The following PPARGC1A variants were observed in gnomAD, a reference collection of about 807,000 sequenced individuals.
PPARGC1A encodes the protein peroxisome proliferator-activated receptor gamma coactivator 1-alpha.
In PPARGC1A, 25 loss-of-function variants were observed where a neutral mutation model predicts 88.7. The ratio of observed to expected loss-of-function variants is 0.28; its 90% CI spans 0.21 to 0.39. The LOEUF is 0.39. PPARGC1A is among the 10% of genes least tolerant of loss of function. PPARGC1A has a pLI of 1.00. For missense variants in PPARGC1A, 880 were observed against 968.7 expected (o/e 0.91, Z 1.22); for synonymous variants, 363 against 355.6 (o/e 1.02, Z -0.24).
chr4:24,470,318 ACACACACT>A, the PPARGC1A span, among the ~76,000 whole-genome samples: 8,450 of 135,400 alleles, frequency 0.062, 473 homozygotes, highest in Non-Finnish European at 0.084. This position sits in a 1 kb window ranked among gnomAD's most constrained non-coding sequence, Gnocchi z 5.8. Flanking sequence ...ACACACACAC[ACACACACT>A]CTCTCACACA....
At chr4:24,274,810 AT>A in the PPARGC1A span, among the ~76,000 whole-genome samples, 16,734 of 151,352 alleles carry the variant, frequency 0.11, 1,058 homozygotes, top group South Asian at 0.24. Flanking sequence ...GCAAATCTAC[AT>A]TTTTTTTTAA....
the PPARGC1A span, among the ~76,000 whole-genome samples, chr4:24,350,812 G>A: frequency 1.3e-5 from 2 of 152,130 alleles, no homozygotes; most frequent in African/African-American, 2.4e-5. Context: ...GTGGGGTGGA[G>A]TTGAGTGCAA....
At chr4:24,378,757 A>C in the PPARGC1A span, among the ~76,000 whole-genome samples, 3 of 152,216 alleles carry the variant, frequency 2.0e-5, no homozygotes, top group East Asian at 5.8e-4. Context: ...CACAAATATG[A>C]ACTAGTTACA....
At chr4:24,075,355 G>T in the PPARGC1A span, among the ~76,000 whole-genome samples, 494 of 152,262 alleles carry the variant, frequency 3.2e-3, 2 homozygotes, top group African/African-American at 0.011. Flanking sequence ...CTCATGTTGG[G>T]TTAGCAACTT....
the PPARGC1A span, among the ~76,000 whole-genome samples, chr4:24,132,094 C>G: frequency 1.3e-5 from 2 of 152,196 alleles, no homozygotes; most frequent in Non-Finnish European, 2.9e-5. Context: ...CATTCTCTTA[C>G]TGAATCCTTT....
the PPARGC1A span, among the ~76,000 whole-genome samples, chr4:24,082,455 A>G: frequency 6.6e-6 from 1 of 152,076 alleles, no homozygotes; most frequent in Non-Finnish European, 1.5e-5. Flanking sequence ...TACACTGTAC[A>G]GTGGCTCTGT....
chr4:24,464,024 T>C, the PPARGC1A span, among the ~76,000 whole-genome samples: 1 of 152,216 alleles, frequency 6.6e-6, no homozygotes, highest in African/African-American at 2.4e-5. Context: ...AAGGGTTATA[T>C]ATGCAAATAA....
the PPARGC1A span, among the ~76,000 whole-genome samples, chr4:23,940,588 T>C: frequency 3.3e-5 from 5 of 152,208 alleles, no homozygotes; most frequent in African/African-American, 1.2e-4. Flanking sequence ...TAACTCTACA[T>C]GCTAATGAAA....
the PPARGC1A span, among the ~76,000 whole-genome samples, chr4:24,260,644 C>T: frequency 6.6e-6 from 1 of 151,796 alleles, no homozygotes; most frequent in Non-Finnish European, 1.5e-5. Context: ...GGTATGTTTT[C>T]AATAGCTTTG....
chr4:23,863,696 C>T (rs955341379), intron 2 of PPARGC1A, among the ~76,000 whole-genome samples: 3 of 152,096 alleles, frequency 2.0e-5, no homozygotes, highest in African/African-American at 4.8e-5. Context: ...AAAATGCCCA[C>T]GTTTCCTCTC....
the PPARGC1A span, among the ~76,000 whole-genome samples, chr4:24,398,279 T>C: frequency 2.0e-5 from 3 of 152,202 alleles, no homozygotes; most frequent in Non-Finnish European, 4.4e-5. Flanking sequence ...ATACTTTATA[T>C]GTAACAGAAT....
Position 23,795,242 on chromosome 4 carries a change from G to GTGGTTGGT in PPARGC1A, c.*572_*579dup, listed in dbSNP as rs573349253. The GTGGTTGGT allele has an allele frequency of 5.4e-5, 8 of 149,080 alleles. No homozygotes were observed. The highest frequency in any genetic ancestry group is 1.0e-4 in the Non-Finnish European group (7 of 67,256). The allele number at this position is 149,080 out of a possible 1,614,324, so 9.2% of individuals were successfully genotyped here. On this transcript the variant is annotated 3_prime_UTR_variant, in exon 13 of 13. Coordinates refer to ENST00000264867, the MANE Select transcript of PPARGC1A (RefSeq NM_013261.5). ...AGCGGCTGTCATTTTAGGGTGGTTT[G>GTGGTTGGT]TGGTTGGTTGGTTGGTTGGTTGGTT...
the PPARGC1A span, among the ~76,000 whole-genome samples, chr4:24,436,759 C>G: frequency 2.2e-5 from 3 of 139,176 alleles, no homozygotes; most frequent in Non-Finnish European, 4.6e-5. Context: ...GAGCTGACAT[C>G]GATTGGCCAC....
the PPARGC1A span, among the ~76,000 whole-genome samples, chr4:24,339,303 C>A: frequency 1.3e-5 from 2 of 149,436 alleles, no homozygotes; most frequent in Admixed American, 1.3e-4. Context: ...GAATAATATT[C>A]CATTGTATTC....
the PPARGC1A span, among the ~76,000 whole-genome samples, chr4:24,062,509 C>T: frequency 8.5e-5 from 13 of 152,230 alleles, no homozygotes; most frequent in African/African-American, 3.1e-4. Context: ...GTGTACTGCT[C>T]TCTGCAGCAG....
chr4:24,284,263 C>T, the PPARGC1A span, among the ~76,000 whole-genome samples: 1 of 152,116 alleles, frequency 6.6e-6, no homozygotes, highest in East Asian at 1.9e-4. Flanking sequence ...GAACCGAGAT[C>T]ACGCCACTGC....
intron 2 of PPARGC1A, among the ~76,000 whole-genome samples, chr4:23,836,633 G>T (rs1455281195): frequency 6.6e-6 from 1 of 152,206 alleles, no homozygotes; most frequent in Admixed American, 6.5e-5. Context: ...TGGGACAGCT[G>T]AGTCCCTCTA....
the PPARGC1A span, among the ~76,000 whole-genome samples, chr4:24,133,573 G>A: frequency 5.9e-5 from 9 of 152,234 alleles, no homozygotes; most frequent in East Asian, 3.9e-4. Flanking sequence ...GGCATAATTC[G>A]GGGCCCAGAA....
the PPARGC1A span, among the ~76,000 whole-genome samples, chr4:24,083,774 G>A: frequency 6.6e-6 from 1 of 152,192 alleles, no homozygotes; most frequent in Non-Finnish European, 1.5e-5. Flanking sequence ...TAAATGCACT[G>A]GAATTGTAAA....
Sources: gnomAD v4.1 joint callset for allele counts (sites outside exome capture counted in the v4.1 genomes callset) on GRCh38, gnomAD v4.1.1 for gene constraint, Gnocchi (gnomAD v3.1) non-coding constraint, MANE v1.5 for transcripts, NCBI Gene and HGNC (gene_info 2026-07-23, HGNC 2026-07-21) for gene names.